The following CAPN11 variants were observed in gnomAD, a reference collection of about 807,000 sequenced individuals.
CAPN11 encodes calpain-11.
Under a neutral mutation model 105.3 loss-of-function variants are expected in CAPN11, and 108 were observed. The observed-to-expected ratio is 1.03, with a 90% confidence interval of 0.88 to 1.20. The LOEUF (loss-of-function observed/expected upper bound fraction) is 1.20, where lower values mean the gene tolerates loss of function less well. Among genes scored for constraint, CAPN11 ranks in the 50% most tolerant of loss-of-function variants. The pLI, the probability that CAPN11 is intolerant of heterozygous loss-of-function variation, is 0.00. For missense variants in CAPN11, 883 were observed against 924.8 expected (o/e 0.95, Z 0.59); for synonymous variants, 329 against 344.5 (o/e 0.96, Z 0.50).
At chr6:44,168,933 T>TA (rs1239550222) in intron 2 of CAPN11, 2 of 455,844 alleles carry the variant, frequency 4.4e-6, no homozygotes, top group South Asian at 1.6e-5. Flanking sequence ...TTTATTTATT[T>TA]TTTTTTAGAG....
intron 1 of CAPN11, chr6:44,161,983 T>C: frequency 2.2e-6 from 1 of 446,896 alleles, no homozygotes; most frequent in Non-Finnish European, 4.5e-6. Context: ...TTGTGGAGAC[T>C]TTCCTCTACA....
chr6:44,181,501 C>T (rs1773283372), intron 19 of CAPN11, among the ~76,000 whole-genome samples, 181 bp downstream of exon 19: 10 of 144,756 alleles, frequency 6.9e-5, no homozygotes, highest in African/African-American at 2.6e-4. Flanking sequence ...CACACACACA[C>T]ACACACACTC....
Position 44,179,144 on chromosome 6 carries a change from A to C in CAPN11, c.1417-475A>C, listed in dbSNP as rs116198207. The stretch of plus-strand genomic sequence containing the variant: ...ATATGAGTGTTCCACGGAAAAGCAA[A>C]ACACTGTCCTAGATTTTTATCCTAA... On this transcript the variant is annotated intron_variant, in intron 12 of 22. Coordinates refer to ENST00000398776, the MANE Select transcript of CAPN11 (RefSeq NM_007058.4). Among the ~76,000 whole-genome samples, 859 of 152,170 alleles carry C rather than the reference A, an allele frequency of 5.6e-3. 11 individuals are homozygous for C. The highest frequency in any genetic ancestry group is 0.019 in the African/African-American group (805 of 41,506).
chr6:44,180,840 C>T lies in CAPN11; in HGVS notation c.1804+35C>T, dbSNP rs142474194. The T allele has an allele frequency of 1.9e-3, 3,053 of 1,610,868 alleles. 45 individuals are homozygous for T. The South Asian group carries it at 0.024, about 13-fold the overall frequency. The stretch of plus-strand genomic sequence containing the variant: ...CCACTCCTGCTGCACACGACCCCTC[C>T]CCCATATTTTGTGCCCCTCTTGATC... On this transcript the variant is annotated intron_variant, in intron 17 of 22. Coordinates refer to ENST00000398776, the MANE Select transcript of CAPN11 (RefSeq NM_007058.4).
At chr6:44,162,622 G>A (rs919104839) in intron 1 of CAPN11, among the ~76,000 whole-genome samples, 1 of 152,096 alleles carries the variant, frequency 6.6e-6, no homozygotes, top group South Asian at 2.1e-4. Context: ...CCACCCTCAG[G>A]GGAATGGGAT....
chr6:44,169,419 A>C lies in CAPN11; in HGVS notation c.227A>C (p.Lys76Thr). The C allele has an allele frequency of 6.2e-7, 1 of 1,613,862 alleles. No individual in the cohort carries two copies. Among genetic ancestry groups the C allele is most frequent in the African/African-American group, 1.3e-5 (1 of 75,048 alleles). The change falls in exon 3 of 23, where the codon AAG becomes ACG. Residue 76 changes from lysine (K) to threonine (T), a missense_variant. Transcript: ENST00000398776. ...GAGCTGCGAGCAGCCTGTCTAAGAAAGGGGGAGCTCTTCGAGGACCCCTTA... is the reference window on the plus strand; with the variant it reads ...GAGCTGCGAGCAGCCTGTCTAAGAACGGGGGAGCTCTTCGAGGACCCCTTA... ...FEELRAACLR[K>T]GELFEDPLFP...
chr6:44,181,849 G>C (rs1407940720), intron 19 of CAPN11, among the ~76,000 whole-genome samples: 1 of 38,686 alleles, frequency 2.6e-5, no homozygotes. Flanking sequence ...CTCACATACA[G>C]ACACAACCAC....
chr6:44,169,727 A>C (rs1425181238), intron 3 of CAPN11, among the ~76,000 whole-genome samples, 179 bp from the exon 4 acceptor site: 2 of 152,106 alleles, frequency 1.3e-5, no homozygotes, highest in Middle Eastern at 3.4e-3. Flanking sequence ...TAAGGAAATC[A>C]CCCACCAACC....
intron 2 of CAPN11, among the ~76,000 whole-genome samples, chr6:44,167,447 G>A (rs946634653): frequency 1.0e-4 from 13 of 128,648 alleles, no homozygotes; most frequent in Admixed American, 4.3e-4. Context: ...GCAGTGAGCC[G>A]AGATCATGCC....
At chr6:44,180,296 G>A (rs537609468) in intron 14 of CAPN11, 133 bp downstream of exon 14, 220 of 907,342 alleles carry the variant, frequency 2.4e-4, no homozygotes, top group Non-Finnish European at 3.6e-4. Context: ...GCATGAGAAG[G>A]TGAAGTCCCA....
At chr6:44,168,575 G>A (rs2128297750) in intron 2 of CAPN11, among the ~76,000 whole-genome samples, 1 of 150,974 alleles carries the variant, frequency 6.6e-6, no homozygotes, top group South Asian at 2.1e-4. Context: ...GCCAATATGG[G>A]GTTCTTTGTG....
Position 44,177,270 on chromosome 6 carries a change from G to C in CAPN11, c.1266G>C (p.Lys422Asn), listed in dbSNP as rs957196291. ...CGTTCTGGACCAACCCCCAGTTTAA[G>C]ATCTCTCTTCCTGAGGGGGATGACC... ...PGTFWTNPQF[K>N]ISLPEGDDPE... Residue 422 changes from lysine (K) to asparagine (N), a missense_variant, in exon 12 of 23, where the codon AAG becomes AAC. Physicochemically the swap from Lys to Asn is moderately conservative, Grantham distance 94 (BLOSUM62 0). Coordinates refer to ENST00000398776, the MANE Select transcript of CAPN11 (RefSeq NM_007058.4). The C allele has an allele frequency of 6.2e-7, 1 of 1,604,556 alleles. No individual in the cohort carries two copies. The highest frequency in any genetic ancestry group is 1.3e-5 in the African/African-American group (1 of 74,844).
At chr6:44,177,061 C>T (rs6925778) in intron 11 of CAPN11, 63 bp downstream of exon 11, 617,892 of 1,563,746 alleles carry the variant, frequency 0.4, 126,363 homozygotes, top group East Asian at 0.66. Flanking sequence ...CGGCTCACCA[C>T]GAAACCAGAC....
intron 1 of CAPN11, 80 bp downstream of exon 1, chr6:44,158,944 G>T: frequency 8.2e-7 from 1 of 1,223,812 alleles, no homozygotes; most frequent in Non-Finnish European, 1.2e-6. Flanking sequence ...GCTGTGTCCC[G>T]CATCAGACTG....
At chr6:44,177,615 G>A in intron 12 of CAPN11, 195 bp downstream of exon 12, 1 of 583,340 alleles carries the variant, frequency 1.7e-6, no homozygotes, top group Non-Finnish European at 3.0e-6. Flanking sequence ...AGCCTTCCCA[G>A]TAGCTGGATT....
chr6:44,168,249 A>G (rs1770312791), intron 2 of CAPN11, among the ~76,000 whole-genome samples: 1 of 152,124 alleles, frequency 6.6e-6, no homozygotes, highest in Non-Finnish European at 1.5e-5. Flanking sequence ...TATAAATAGA[A>G]TCGCGCAATA....
chr6:44,161,150 CCTCT>C (rs1335297698), intron 1 of CAPN11, among the ~76,000 whole-genome samples: 8 of 151,108 alleles, frequency 5.3e-5, no homozygotes, highest in Non-Finnish European at 1.0e-4. Context: ...GATCTTTTGC[CCTCT>C]CTAAGGGGAT....
rs780771059 is a variant in CAPN11 at position 44,177,337 on chromosome 6, C to T, written c.1333C>T (p.Leu445=). ...GGGCAATGTTGTGGTCTGCACCTGCCTGGTGGCCCTAATGCAGAAGAACTG... is the reference window on the plus strand; with the variant it reads ...GGGCAATGTTGTGGTCTGCACCTGCTTGGTGGCCCTAATGCAGAAGAACTG... The part of the protein sequence containing the change: ...AEGNVVVCTC[L]VALMQKNWRH... The change falls in exon 12 of 23, where the codon CTG becomes TTG. Residue 445 remains leucine (L), a synonymous_variant. Transcript: ENST00000398776. 2.4e-5 allele frequency: 38 copies of T among 1,614,012 alleles called. No homozygotes were observed. Among genetic ancestry groups the T allele is most frequent in the Non-Finnish European group, 2.9e-5 (34 of 1,179,878 alleles).
chr6:44,170,106 C>T, intron 4 of CAPN11, 131 bp downstream of exon 4: 1 of 703,816 alleles, frequency 1.4e-6, no homozygotes. Flanking sequence ...CCTGTCCCTC[C>T]CCTTCTGAGG....
Sources: gnomAD v4.1 joint callset for allele counts (sites outside exome capture counted in the v4.1 genomes callset) on GRCh38, gnomAD v4.1.1 for gene constraint, MANE v1.5 for transcripts, NCBI Gene and HGNC (gene_info 2026-07-23, HGNC 2026-07-21) for gene names.